MEI4: variants seen among roughly 807,000 people sequenced by gnomAD.
MEI4 encodes meiotic double-stranded break formation protein 4, also known as meiosis-specific protein MEI4.
MEI4 carries 27 observed loss-of-function variants against 31.4 expected under a neutral mutation model. That is an observed-to-expected ratio of 0.86 (90% CI 0.63 to 1.19). The LOEUF is 1.19. MEI4 is among the 50% of genes most tolerant of loss of function. MEI4 has a pLI of 0.00. For synonymous variants in MEI4, 122 were observed against 145.4 expected (o/e 0.84, Z 1.16); for missense variants, 329 against 398.9 (o/e 0.82, Z 1.49).
At chr6:77,804,445 C>T (rs897537906) in intron 3 of MEI4, among the ~76,000 whole-genome samples, 9 of 152,154 alleles carry the variant, frequency 5.9e-5, no homozygotes, top group African/African-American at 1.2e-4. Flanking sequence ...ACACTCAGTG[C>T]GCTGCACCCA....
At chr6:77,731,892 C>T (rs1288534768) in intron 2 of MEI4, among the ~76,000 whole-genome samples, 1 of 151,898 alleles carries the variant, frequency 6.6e-6, no homozygotes, top group Non-Finnish European at 1.5e-5. Flanking sequence ...GGAATCCTTT[C>T]CCCAATGCTT....
chr6:77,915,713 A>G lies in MEI4; in HGVS notation c.901-7376A>G, dbSNP rs1766529975. ...ATAATGACCTTCTTTGTTTCTTTTTACTGCAATGTAATATACAGTAGGGAA... is the reference window on the plus strand; with the variant it reads ...ATAATGACCTTCTTTGTTTCTTTTTGCTGCAATGTAATATACAGTAGGGAA... On this transcript the variant is annotated intron_variant, in intron 4 of 4. Coordinates refer to ENST00000684080, the MANE Select transcript of MEI4 (RefSeq NM_001322247.2). 2.0e-5 allele frequency among the ~76,000 whole-genome samples: 3 copies of G among 151,732 alleles called. No individual in the cohort carries two copies. In the South Asian group the frequency reaches 6.2e-4, roughly 32 times the overall value.
chr6:77,860,249 G>A (rs1300953555), intron 4 of MEI4, among the ~76,000 whole-genome samples: 1 of 152,138 alleles, frequency 6.6e-6, no homozygotes, highest in Admixed American at 6.5e-5. Context: ...AAAAGTGATT[G>A]TGAAAAATCT....
At chr6:77,854,398 A>G (rs1770699350) in intron 4 of MEI4, among the ~76,000 whole-genome samples, 2 of 150,718 alleles carry the variant, frequency 1.3e-5, no homozygotes, top group East Asian at 2.0e-4. Context: ...GTTAATGTCA[A>G]CAGTAATTAT....
Position 77,924,312 on chromosome 6 carries a change from G to A in MEI4, c.*966G>A, listed in dbSNP as rs1322758008. On this transcript the variant is annotated 3_prime_UTR_variant, in exon 5 of 5. Coordinates refer to ENST00000684080, the MANE Select transcript of MEI4 (RefSeq NM_001322247.2). Reference sequence around the variant, plus strand: ...TTCCTAAATGTCGTTGGCATTAAAAGTAATCTTGATAATTCCATCTACAAT... The same window carrying A: ...TTCCTAAATGTCGTTGGCATTAAAAATAATCTTGATAATTCCATCTACAAT... 6.6e-6 allele frequency: 1 copy of A among 151,822 alleles called. No individual in the cohort carries two copies. The allele number at this position is 151,822 out of a possible 1,614,324, so 9.4% of individuals were successfully genotyped here.
rs1254020640 is a variant in MEI4 at position 77,800,651 on chromosome 6, T to C, written c.769-28280T>C. ...GTTTCTCATAGATAGCTCTTATTAT[T>C]TTGAGGTACGTCCCATGAATACCTA... On this transcript the variant is annotated intron_variant, in intron 3 of 4. Transcript: ENST00000684080. 3.3e-5 allele frequency among the ~76,000 whole-genome samples: 5 copies of C among 152,222 alleles called. No homozygotes were observed. The East Asian group carries it at 9.6e-4, about 29-fold the overall frequency.
At chr6:77,756,683 TCTC>T (rs546708890) in intron 2 of MEI4, among the ~76,000 whole-genome samples, 202 of 150,368 alleles carry the variant, frequency 1.3e-3, no homozygotes, top group Middle Eastern at 3.4e-3. Context: ...CCCGCCGCCT[TCTC>T]CTTCTCTCTA....
chr6:77,925,536 CA>C lies in MEI4; in HGVS notation c.*2192del, dbSNP rs1428641802. 2 of 151,438 alleles carry C rather than the reference CA, an allele frequency of 1.3e-5. No homozygotes were observed. Among genetic ancestry groups the C allele is most frequent in the Non-Finnish European group, 2.9e-5 (2 of 67,806 alleles). 9.4% of individuals were successfully genotyped at this position (151,438 alleles called of 1,614,324 possible). ...TAATGAATGATTTAAACTGGTATTA[CA>C]ATGTTTAAGAATGTTATAACAGTTT... On this transcript the variant is annotated 3_prime_UTR_variant, in exon 5 of 5. Coordinates refer to ENST00000684080, the MANE Select transcript of MEI4 (RefSeq NM_001322247.2).
intron 4 of MEI4, among the ~76,000 whole-genome samples, chr6:77,856,556 C>T (rs112919271): frequency 3.7e-4 from 17 of 46,330 alleles, no homozygotes; most frequent in Admixed American, 2.7e-3. Context: ...TATTTAGTGA[C>T]GTGGTCATGA....
intron 4 of MEI4, among the ~76,000 whole-genome samples, chr6:77,862,381 C>A (rs1226064696): frequency 1.3e-5 from 2 of 152,252 alleles, no homozygotes; most frequent in Non-Finnish European, 1.5e-5. Context: ...CACACTAATA[C>A]TGTGCTTTTC....
chr6:77,700,354 A>G (rs1441956941), intron 2 of MEI4, among the ~76,000 whole-genome samples: 4 of 152,238 alleles, frequency 2.6e-5, no homozygotes, highest in Non-Finnish European at 5.9e-5. Context: ...CTGCTGTGCT[A>G]GCAATCAGGG....
At chr6:77,829,176 T>G in intron 4 of MEI4, 114 bp downstream of exon 4, 1 of 733,124 alleles carries the variant, frequency 1.4e-6, no homozygotes, top group Admixed American at 4.3e-5. Context: ...GTTATTACCT[T>G]ATGTCTAATA....
At chr6:77,711,332 A>ATGTATATATATGTGTGTG (rs1189794113) in intron 2 of MEI4, among the ~76,000 whole-genome samples, 2 of 152,170 alleles carry the variant, frequency 1.3e-5, no homozygotes, top group Non-Finnish European at 1.5e-5. Context: ...ATGTGTATAT[A>ATGTATATATATGTGTGTG]TGTATATATA....
intron 4 of MEI4, among the ~76,000 whole-genome samples, chr6:77,892,967 T>C (rs1436352788): frequency 6.6e-6 from 1 of 152,058 alleles, no homozygotes; most frequent in African/African-American, 2.4e-5. Flanking sequence ...TTAGGAACTC[T>C]CCCACAGCTG....
intron 4 of MEI4, among the ~76,000 whole-genome samples, chr6:77,862,360 C>T (rs1253826850): frequency 6.6e-6 from 1 of 152,202 alleles, no homozygotes; most frequent in African/African-American, 2.4e-5. Flanking sequence ...CCTGGAAAAT[C>T]AGGTCACTCC....
intron 2 of MEI4, among the ~76,000 whole-genome samples, chr6:77,748,879 TAGCATCTGGCA>T (rs1767690075): frequency 6.6e-6 from 1 of 152,122 alleles, no homozygotes; most frequent in Admixed American, 6.6e-5. Context: ...GAGCTCTGGC[TAGCATCTGGCA>T]GATGCCCCTC....
At chr6:77,917,801 C>G (rs373430955) in intron 4 of MEI4, among the ~76,000 whole-genome samples, 5 of 151,052 alleles carry the variant, frequency 3.3e-5, no homozygotes, top group East Asian at 2.0e-4. Flanking sequence ...TTTGTCTTTT[C>G]TTGCCATTGC....
intron 3 of MEI4, among the ~76,000 whole-genome samples, chr6:77,767,009 T>G (rs1768192781): frequency 6.6e-6 from 1 of 152,152 alleles, no homozygotes; most frequent in South Asian, 2.1e-4. Flanking sequence ...ACCACTCTGC[T>G]TTGAGAATAT....
At position 77,911,581 on chromosome 6, in the gene MEI4, A is replaced by G. The variant is rs545039871; in HGVS notation, c.901-11508A>G. Among the ~76,000 whole-genome samples the G allele has an allele frequency of 2.0e-5, 3 of 151,914 alleles. No homozygotes were observed. In the East Asian group the frequency reaches 5.8e-4, roughly 29 times the overall value. ...GTGGTATTTGGTTTTCTGTTCCTGCATTAATTAATTTGCTTAGGTAATGGC... is the reference window on the plus strand; with the variant it reads ...GTGGTATTTGGTTTTCTGTTCCTGCGTTAATTAATTTGCTTAGGTAATGGC... On this transcript the variant is annotated intron_variant, in intron 4 of 4. Coordinates refer to ENST00000684080, the MANE Select transcript of MEI4 (RefSeq NM_001322247.2).
Sources: gnomAD v4.1 joint callset for allele counts (sites outside exome capture counted in the v4.1 genomes callset) on GRCh38, gnomAD v4.1.1 for gene constraint, MANE v1.5 for transcripts, NCBI Gene and HGNC (gene_info 2026-07-23, HGNC 2026-07-21) for gene names.